ZNF100: variants seen among roughly 807,000 people sequenced by gnomAD.
The protein encoded by ZNF100 is zinc finger protein 100.
In ZNF100, 12 loss-of-function variants were observed where a neutral mutation model predicts 15.8. The observed-to-expected ratio is 0.76, with a 90% confidence interval of 0.49 to 1.23. The LOEUF (loss-of-function observed/expected upper bound fraction) is 1.23, where lower values mean the gene tolerates loss of function less well. ZNF100 is among the 50% of genes most tolerant of loss of function. The pLI is 0.00. For synonymous variants in ZNF100, 226 were observed against 214.8 expected (o/e 1.05, Z -0.45); for missense variants, 670 against 635.6 (o/e 1.05, Z -0.58).
rs1402704791 is a variant in ZNF100, at chr19:21,727,154, T to C, written c.1158A>G (p.Ser386=). 3 of 1,612,008 alleles carry C rather than the reference T, an allele frequency of 1.9e-6. No homozygotes were observed. Among genetic ancestry groups the C allele is most frequent in the South Asian group, 2.2e-5 (2 of 90,988 alleles). The change falls in exon 5 of 5, where the codon TCA becomes TCG. Residue 386 remains serine, a synonymous_variant. Coordinates refer to ENST00000358296, the MANE Select transcript of ZNF100 (RefSeq NM_173531.4). The stretch of plus-strand genomic sequence containing the variant: ...GACTTGTCTTATGTTTAGTAAGGTA[T>C]GAGAATCGGTAAAAAGCTTTGCCAC... ...EECGKAFYRF[S]YLTKHKTSHT...
intron 2 of ZNF100, among the ~76,000 whole-genome samples, chr19:21,755,034 C>T (rs192185931): frequency 1.8e-4 from 27 of 152,274 alleles, no homozygotes; most frequent in Admixed American, 4.6e-4. Context: ...CATGAAAATA[C>T]ACTCAGCCGA....
At chr19:21,764,818 G>A (rs1420029861) in intron 2 of ZNF100, among the ~76,000 whole-genome samples, 1 of 151,844 alleles carries the variant, frequency 6.6e-6, no homozygotes, top group Non-Finnish European at 1.5e-5. Flanking sequence ...AACAGGATCT[G>A]AACACAGATA....
chr19:21,748,606 T>C (rs1416642648), intron 2 of ZNF100, among the ~76,000 whole-genome samples: 2 of 152,202 alleles, frequency 1.3e-5, no homozygotes, highest in Non-Finnish European at 2.9e-5. Context: ...AAGTAAAAGA[T>C]ACACAAATAA....
In ZNF100 at chr19:21,761,155, A is replaced by G. The variant is rs552660388; in HGVS notation, c.96+4539T>C. On this transcript the variant is annotated intron_variant, in intron 2 of 4. Transcript: ENST00000358296. ...GTGGACTGAACTAATAGAAGACTGA[A>G]GTAATATTTTTTGACTTCGCCTAAA... Among the ~76,000 whole-genome samples the G allele has an allele frequency of 3.3e-4, 51 of 152,292 alleles. 2 individuals are homozygous for G. The South Asian group carries it at 0.011, about 32-fold the overall frequency.
chr19:21,741,812 A>G (rs374321128), intron 4 of ZNF100, among the ~76,000 whole-genome samples: 4 of 152,248 alleles, frequency 2.6e-5, no homozygotes, highest in African/African-American at 9.6e-5. Context: ...AAGTAGCTGA[A>G]ACCACTTGTG....
In ZNF100 at chr19:21,765,777, T is replaced by G. The variant is rs768166189; in HGVS notation, c.13A>C (p.Arg5=). Residue 5 remains arginine, a synonymous_variant, in exon 2 of 5, where the codon AGG becomes CGG. Transcript: ENST00000358296. MDDP[R]YGMCPLKGAS... ...CCCTTGAGAGGACACATTCCATACC[T>G]CGGGTCATCCTACGGGAGAAAATAA... 3.1e-6 allele frequency: 5 copies of G among 1,614,020 alleles called. No homozygotes were observed. The highest frequency in any genetic ancestry group is 4.2e-6 in the Non-Finnish European group (5 of 1,179,992).
intron 2 of ZNF100, chr19:21,751,845 G>T (rs2036312272): frequency 2.4e-6 from 2 of 821,992 alleles, no homozygotes; most frequent in Non-Finnish European, 4.0e-6. Flanking sequence ...GACTTGTGTG[G>T]AGCAGCTGTA....
At chr19:21,738,888 T>G (rs925928127) in intron 4 of ZNF100, among the ~76,000 whole-genome samples, 1 of 152,098 alleles carries the variant, frequency 6.6e-6, no homozygotes, top group Non-Finnish European at 1.5e-5. Flanking sequence ...GAAGTTGCAG[T>G]GAGCCGTGAT....
intron 2 of ZNF100, among the ~76,000 whole-genome samples, chr19:21,755,372 C>G (rs758037199): frequency 6.7e-6 from 1 of 150,340 alleles, no homozygotes; most frequent in Admixed American, 6.6e-5. Context: ...AAATGCAAAT[C>G]AAAACCACAG....
chr19:21,733,485 TAATC>T (rs757078497), intron 4 of ZNF100, among the ~76,000 whole-genome samples: 14 of 152,118 alleles, frequency 9.2e-5, no homozygotes, highest in African/African-American at 2.2e-4. Context: ...AAATAAAAAA[TAATC>T]AAAGCAAGTC....
At chr19:21,764,119 C>A (rs2036523352) in intron 2 of ZNF100, among the ~76,000 whole-genome samples, 1 of 152,132 alleles carries the variant, frequency 6.6e-6, no homozygotes, top group Non-Finnish European at 1.5e-5. Flanking sequence ...AAGGCTGGGA[C>A]ATCTGCAGGA....
rs2036294179 is a variant in ZNF100 at position 21,750,859 on chromosome 19, C to CT, written c.97-5793dup. ...GCAGAGACGCCCCATGGGGAACACG[C>CT]TGACCTATTGCGTGTCCCCCCAGTA... is the stretch of plus-strand genomic sequence containing the variant. On this transcript the variant is annotated intron_variant, in intron 2 of 4. Coordinates refer to ENST00000358296, the MANE Select transcript of ZNF100 (RefSeq NM_173531.4). The CT allele has an allele frequency of 7.7e-6, 4 of 518,912 alleles. No homozygotes were observed. In the East Asian group the frequency reaches 1.2e-4, roughly 15 times the overall value. The allele number at this position is 518,912 out of a possible 1,614,324, so 32.1% of individuals were successfully genotyped here. A position where few individuals can be genotyped will look rare whatever the true frequency, so the allele number is the denominator to read the frequency against.
chr19:21,726,629 A>T lies in ZNF100; in HGVS notation c.*54T>A. On this transcript the variant is annotated 3_prime_UTR_variant, in exon 5 of 5. Transcript: ENST00000358296. Reference sequence around the variant, plus strand: ...GTCACAGGAGTTCCCTCCAGTATGAATTTTTTTATGTTTAGTAAGAGTTGA... The same window carrying T: ...GTCACAGGAGTTCCCTCCAGTATGATTTTTTTTATGTTTAGTAAGAGTTGA... 1 of 1,502,332 alleles carries T rather than the reference A, an allele frequency of 6.7e-7. No homozygotes were observed. Among genetic ancestry groups the T allele is most frequent in the Non-Finnish European group, 9.0e-7 (1 of 1,113,822 alleles). The allele number at this position is 1,502,332 out of a possible 1,614,324, so 93.1% of individuals were successfully genotyped here. A position where few individuals can be genotyped will look rare whatever the true frequency, so the allele number is the denominator to read the frequency against.
intron 2 of ZNF100, 106 bp from the exon 3 acceptor site, chr19:21,745,173 G>A (rs545143503): frequency 6.8e-7 from 1 of 1,464,724 alleles, no homozygotes; most frequent in African/African-American, 1.4e-5. Flanking sequence ...AATTGGTTCT[G>A]ATTAATAGAA....
At chr19:21,751,460 G>T (rs180991968) in intron 2 of ZNF100, 1 of 874,854 alleles carries the variant, frequency 1.1e-6, no homozygotes. Context: ...GCTAACAGCT[G>T]AATGTGCAAC....
chr19:21,743,971 T>TC, intron 4 of ZNF100, 46 bp downstream of exon 4: 1 of 1,554,370 alleles, frequency 6.4e-7, no homozygotes, highest in Non-Finnish European at 8.7e-7. Context: ...CTTTTTGACC[T>TC]TTGGACCTCA....
At chr19:21,737,454 GA>G (rs2036028052) in intron 4 of ZNF100, among the ~76,000 whole-genome samples, 1 of 151,446 alleles carries the variant, frequency 6.6e-6, no homozygotes, top group Non-Finnish European at 1.5e-5. Context: ...AGAATTACTT[GA>G]ACCCAGGAGG....
At chr19:21,750,373 A>C (rs1489165127) in intron 2 of ZNF100, 1 of 152,178 alleles carries the variant, frequency 6.6e-6, no homozygotes, top group African/African-American at 2.4e-5. Flanking sequence ...TCTGATACCA[A>C]AACTGGGAAG....
At chr19:21,751,389 A>G (rs1467607776) in intron 2 of ZNF100, 1 of 825,830 alleles carries the variant, frequency 1.2e-6, no homozygotes, top group African/African-American at 1.7e-5. Context: ...GAATAGTTTA[A>G]GCATGATCCT....
Sources: gnomAD v4.1 joint callset for allele counts (sites outside exome capture counted in the v4.1 genomes callset) on GRCh38, gnomAD v4.1.1 for gene constraint, MANE v1.5 for transcripts, NCBI Gene and HGNC (gene_info 2026-07-23, HGNC 2026-07-21) for gene names.